MFSD8: variants seen among roughly 807,000 people sequenced by gnomAD.
The protein encoded by MFSD8 is major facilitator superfamily domain containing 8.
In MFSD8, 55 loss-of-function variants were observed where a neutral mutation model predicts 66.4. The ratio of observed to expected loss-of-function variants is 0.83; its 90% CI spans 0.67 to 1.04. MFSD8 has a LOEUF of 1.04. MFSD8 is among the 50% of genes least tolerant of loss of function. The pLI is 0.00. For synonymous variants in MFSD8, 202 were observed against 212.8 expected (o/e 0.95, Z 0.44); for missense variants, 550 against 627.6 (o/e 0.88, Z 1.32).
At chr4:127,940,081 T>C in intron 5 of MFSD8, 84 bp from the exon 6 acceptor site, 1 of 1,257,090 alleles carries the variant, frequency 8.0e-7, no homozygotes, top group Non-Finnish European at 1.1e-6. Flanking sequence ...ACAACAGAAT[T>C]GGGAACAATG....
At chr4:127,957,370 G>A (rs901331543) in intron 2 of MFSD8, 131 bp downstream of exon 2, 15 of 692,382 alleles carry the variant, frequency 2.2e-5, no homozygotes, top group South Asian at 1.2e-4. Context: ...ATGGTAACAC[G>A]GTAAATTTAT....
At chr4:127,936,196 T>A (rs999145303) in intron 7 of MFSD8, among the ~76,000 whole-genome samples, 1 of 151,990 alleles carries the variant, frequency 6.6e-6, no homozygotes, top group African/African-American at 2.4e-5. Flanking sequence ...TCACTGCAAC[T>A]TCTGCCTCCC....
chr4:127,943,024 C>T (rs532431192), intron 4 of MFSD8, among the ~76,000 whole-genome samples: 3 of 152,202 alleles, frequency 2.0e-5, no homozygotes, highest in Middle Eastern at 3.4e-3. Context: ...CAAGACCAGC[C>T]TGGCCAAGAT....
intron 8 of MFSD8, chr4:127,932,692 A>C (rs1738355890): frequency 3.8e-6 from 1 of 263,162 alleles, no homozygotes. Flanking sequence ...TAATTAAATC[A>C]TGGCACTAAA....
chr4:127,938,616 T>A lies in MFSD8; in HGVS notation c.754+167A>T, dbSNP rs1313152505. Among the ~76,000 whole-genome samples, 10 of 148,002 alleles carry A rather than the reference T, an allele frequency of 6.8e-5. No individual in the cohort carries two copies. In the South Asian group the frequency reaches 1.9e-3, roughly 28 times the overall value. ...AAAAATAAATAAATAAATAAATAAA[T>A]AAATAAATAAATAAATAAATTTAGG... On this transcript the variant is annotated intron_variant, in intron 7 of 11. Transcript: ENST00000641686.
At position 127,919,010 on chromosome 4, in the gene MFSD8, T is replaced by C. The variant is rs146398570; in HGVS notation, c.*1620A>G. 7 of 152,160 alleles carry C rather than the reference T, an allele frequency of 4.6e-5. No homozygotes were observed. Among genetic ancestry groups the C allele is most frequent in the African/African-American group, 1.7e-4 (7 of 41,450 alleles). The allele number at this position is 152,160 out of a possible 1,614,324, so 9.4% of individuals were successfully genotyped here. A position where few individuals can be genotyped will look rare whatever the true frequency, so the allele number is the denominator to read the frequency against. ...AAGAGGGATCCCAGACTTGACCAAA[T>C]AGCCAGAACTGGCTACGGTTCTGAG... On this transcript the variant is annotated 3_prime_UTR_variant, in exon 12 of 12. Transcript: ENST00000641686.
intron 1 of MFSD8, among the ~76,000 whole-genome samples, chr4:127,962,071 G>A (rs1743868987): frequency 6.6e-6 from 1 of 152,190 alleles, no homozygotes; most frequent in Non-Finnish European, 1.5e-5. Context: ...AACAACTGTT[G>A]CTGCCAGATT....
intron 9 of MFSD8, among the ~76,000 whole-genome samples, chr4:127,928,789 C>G (rs960295085): frequency 3.2e-4 from 49 of 152,210 alleles, no homozygotes; most frequent in African/African-American, 1.1e-3. Flanking sequence ...CATCTGCACT[C>G]CCATGTTCAT....
rs755152088 is a variant in MFSD8, at chr4:127,943,755, C to T, written c.436G>A (p.Ala146Thr). 5.6e-6 allele frequency: 9 copies of T among 1,613,980 alleles called. No homozygotes were observed. Among genetic ancestry groups the T allele is most frequent in the Non-Finnish European group, 6.8e-6 (8 of 1,180,028 alleles). ...LVARGLLGIG[A>T]GNVAVVRSYT... ...AAACATATACATACAACCTTACCTG[C>T]TCCAATTCCCAACAATCCACGAGCA... The change falls in exon 4 of 12, where the codon GCA becomes ACA. Residue 146 changes from alanine (A) to threonine (T), a missense_variant. Coordinates refer to ENST00000641686, the MANE Select transcript of MFSD8 (RefSeq NM_001371596.2).
chr4:127,924,074 G>A (rs1736802581), intron 9 of MFSD8, among the ~76,000 whole-genome samples: 4 of 152,078 alleles, frequency 2.6e-5, no homozygotes, highest in Admixed American at 2.6e-4. Context: ...CAGAAGGAAT[G>A]GAAACTTTGT....
At chr4:127,934,571 G>GTTTT (rs1738709309) in intron 7 of MFSD8, 1 of 142,634 alleles carries the variant, frequency 7.0e-6, no homozygotes, top group East Asian at 2.3e-4. Context: ...AATAAGCCAG[G>GTTTT]TATTTTTTTT....
rs530020293 is a variant in MFSD8, at chr4:127,930,533, A to G, written c.998+150T>C. 4.6e-6 allele frequency: 4 copies of G among 863,854 alleles called. No individual in the cohort carries two copies. The Admixed American group carries it at 1.1e-4, about 24-fold the overall frequency. The allele number at this position is 863,854 out of a possible 1,614,324, so 53.5% of individuals were successfully genotyped here. A position where few individuals can be genotyped will look rare whatever the true frequency, so the allele number is the denominator to read the frequency against. ...TTTTACCAAAGAAATGCTGTAATGT[A>G]TAGAAATATGATAATCTCTTAATAA... On this transcript the variant is annotated intron_variant, in intron 9 of 11. Coordinates refer to ENST00000641686, the MANE Select transcript of MFSD8 (RefSeq NM_001371596.2).
At chr4:127,944,047 T>G in intron 3 of MFSD8, 55 bp from the exon 4 acceptor site, 1 of 1,608,946 alleles carries the variant, frequency 6.2e-7, no homozygotes, top group Non-Finnish European at 8.5e-7. Flanking sequence ...AGTTTAAAAC[T>G]AAATACATTT....
At chr4:127,962,885 G>A (rs990197850) in intron 1 of MFSD8, among the ~76,000 whole-genome samples, 3 of 152,156 alleles carry the variant, frequency 2.0e-5, no homozygotes, top group Non-Finnish European at 2.9e-5. Flanking sequence ...ATTTGCCAAA[G>A]GGTTTTGAGT....
At chr4:127,960,739 G>A (rs925716579) in intron 1 of MFSD8, among the ~76,000 whole-genome samples, 2 of 152,098 alleles carry the variant, frequency 1.3e-5, no homozygotes, top group African/African-American at 2.4e-5. Context: ...GATCAGTAAC[G>A]TGAGCTACAA....
chr4:127,932,741 AG>A (rs566442004), intron 8 of MFSD8: 154 of 359,762 alleles, frequency 4.3e-4, no homozygotes, highest in Non-Finnish European at 7.2e-4. Flanking sequence ...CAGATGAAAG[AG>A]GGAAAGAGTA....
At chr4:127,928,311 G>A (rs1737556755) in intron 9 of MFSD8, among the ~76,000 whole-genome samples, 1 of 151,996 alleles carries the variant, frequency 6.6e-6, no homozygotes, top group Non-Finnish European at 1.5e-5. Flanking sequence ...TAGAAATGGG[G>A]TTTCACCATG....
At chr4:127,938,636 T>C (rs1053292815) in intron 7 of MFSD8, 147 bp downstream of exon 7, 1 of 334,222 alleles carries the variant, frequency 3.0e-6, no homozygotes, top group African/African-American at 2.2e-5. Context: ...AATAAATAAA[T>C]TTAGGTCACT....
At chr4:127,932,880 C>T (rs1738398358) in intron 8 of MFSD8, 105 bp downstream of exon 8, 1 of 969,628 alleles carries the variant, frequency 1.0e-6, no homozygotes, top group East Asian at 2.7e-5. Context: ...GAAAAATTTG[C>T]CTTACATAAG....
Sources: gnomAD v4.1 joint callset for allele counts (sites outside exome capture counted in the v4.1 genomes callset) on GRCh38, gnomAD v4.1.1 for gene constraint, MANE v1.5 for transcripts, NCBI Gene and HGNC (gene_info 2026-07-23, HGNC 2026-07-21) for gene names.